MARCHF1: variants seen among roughly 807,000 people sequenced by gnomAD.
MARCHF1 encodes membrane associated ring-CH-type finger 1, also known as E3 ubiquitin-protein ligase MARCHF1.
Under a neutral mutation model 54.2 loss-of-function variants are expected in MARCHF1, and 40 were observed. The observed-to-expected ratio is 0.74, with a 90% CI of 0.57 to 0.96. The LOEUF (loss-of-function observed/expected upper bound fraction) is 0.96. Among genes scored for constraint, MARCHF1 ranks in the 40% least tolerant of loss-of-function variants. The pLI, the probability that MARCHF1 is intolerant of heterozygous loss-of-function variation, is 0.00. For missense variants in MARCHF1, 586 were observed against 656.5 expected (o/e 0.89, Z 1.17); for synonymous variants, 236 against 236.3 (o/e 1.00, Z 0.01).
At chr4:164,179,854 G>A (rs1730786984) in intron 1 of MARCHF1, among the ~76,000 whole-genome samples, 1 of 151,110 alleles carries the variant, frequency 6.6e-6, no homozygotes, top group African/African-American at 2.4e-5. Flanking sequence ...GAAAAATACT[G>A]AGAAGAAAAT....
Position 163,612,387 on chromosome 4 carries a change from T to C in MARCHF1, c.894A>G (p.Ile298Met), listed in dbSNP as rs1216157996. ...TFSETDSSTE[I>M]LGVPEGSKDM... is the part of the protein sequence containing the mutation. ...CCTTGCTGCCTTCTGGAACTCCCAG[T>C]ATTTCAGTGCTGGAATCTGTTTCTG... is the stretch of plus-strand genomic sequence containing the variant. The change falls in exon 7 of 10, where the codon ATA becomes ATG. Residue 298 changes from isoleucine (I) to methionine (M), a missense_variant. This residue lies in a region of MARCHF1 where 387 missense variants were observed against 394.6 expected (regional missense o/e 0.98). Coordinates refer to ENST00000514618, the MANE Select transcript of MARCHF1 (RefSeq NM_001394959.1). 1.3e-6 allele frequency: 2 copies of C among 1,535,332 alleles called. No individual in the cohort carries two copies. Among genetic ancestry groups the C allele is most frequent in the Non-Finnish European group, 1.7e-6 (2 of 1,146,464 alleles).
chr4:164,254,337 T>C (rs533407673), intron 1 of MARCHF1, among the ~76,000 whole-genome samples: 23 of 149,916 alleles, frequency 1.5e-4, no homozygotes, highest in Non-Finnish European at 3.0e-4. Flanking sequence ...ATCCTATATA[T>C]AGAGGATATT....
chr4:163,554,913 A>G (rs1426184583), intron 8 of MARCHF1, among the ~76,000 whole-genome samples: 1 of 152,204 alleles, frequency 6.6e-6, no homozygotes, highest in African/African-American at 2.4e-5. Flanking sequence ...ATGTTAGATT[A>G]CCAAAATAAT....
At chr4:164,253,737 A>G (rs535260187) in intron 1 of MARCHF1, among the ~76,000 whole-genome samples, 3 of 152,178 alleles carry the variant, frequency 2.0e-5, no homozygotes, top group Non-Finnish European at 4.4e-5. Flanking sequence ...AATGTTTATA[A>G]CTGCTTTATT....
chr4:163,529,428 T>C (rs1463725849), intron 9 of MARCHF1, among the ~76,000 whole-genome samples: 1 of 152,026 alleles, frequency 6.6e-6, no homozygotes, highest in Non-Finnish European at 1.5e-5. Flanking sequence ...AATCAGAGTT[T>C]AAAATCCTTC....
At chr4:164,377,202 G>A (rs551542594) in intron 1 of MARCHF1, among the ~76,000 whole-genome samples, 54 of 151,946 alleles carry the variant, frequency 3.6e-4, no homozygotes, top group Non-Finnish European at 6.3e-4. Flanking sequence ...TCACCAGGCA[G>A]ACTTAACAAA....
At chr4:163,705,163 AG>A (rs1304181586) in intron 4 of MARCHF1, among the ~76,000 whole-genome samples, 1 of 151,774 alleles carries the variant, frequency 6.6e-6, no homozygotes, top group East Asian at 1.9e-4. Flanking sequence ...AAAATGGATA[AG>A]GGCATGCTGA....
chr4:163,636,518 C>G (rs1429234099), intron 5 of MARCHF1, among the ~76,000 whole-genome samples: 3 of 148,416 alleles, frequency 2.0e-5, no homozygotes, highest in Admixed American at 6.7e-5. Context: ...GAATAAAATA[C>G]CTAGGAATCC....
At chr4:164,288,550 GAAAGCAAAACT>G (rs1734207170) in intron 1 of MARCHF1, among the ~76,000 whole-genome samples, 1 of 151,900 alleles carries the variant, frequency 6.6e-6, no homozygotes, top group African/African-American at 2.4e-5. Flanking sequence ...TAATAGGTAT[GAAAGCAAAACT>G]AAAGAAAAAC....
intron 3 of MARCHF1, among the ~76,000 whole-genome samples, chr4:163,923,783 A>C (rs12501701): frequency 0.77 from 115,059 of 149,128 alleles, 44,464 homozygotes; most frequent in East Asian, 0.93. Flanking sequence ...AAAAAAAAAT[A>C]GAAAAAAGTA....
At chr4:164,168,748 C>T (rs751349711) in intron 1 of MARCHF1, among the ~76,000 whole-genome samples, 1 of 151,948 alleles carries the variant, frequency 6.6e-6, no homozygotes, top group African/African-American at 2.4e-5. Context: ...GGGGTGCCAA[C>T]CTTATCCACA....
At chr4:164,147,843 A>AAT (rs1729804060) in intron 1 of MARCHF1, among the ~76,000 whole-genome samples, 1 of 144,276 alleles carries the variant, frequency 6.9e-6, no homozygotes, top group Admixed American at 7.0e-5. Flanking sequence ...GTCAATAAAA[A>AAT]AAATAAATTC....
At chr4:164,341,279 CAAAA>C in intron 1 of MARCHF1, among the ~76,000 whole-genome samples, 1 of 146,458 alleles carries the variant, frequency 6.8e-6, no homozygotes, top group South Asian at 2.2e-4. Flanking sequence ...AAAGCAAAAA[CAAAA>C]AAAAAAACCC....
At chr4:164,106,593 A>T (rs920441364) in intron 2 of MARCHF1, among the ~76,000 whole-genome samples, 1 of 145,044 alleles carries the variant, frequency 6.9e-6, no homozygotes, top group South Asian at 2.2e-4. Context: ...AGGAAGGGGA[A>T]TATCACACTC....
intron 4 of MARCHF1, among the ~76,000 whole-genome samples, chr4:163,832,058 C>A (rs1382781913): frequency 6.6e-6 from 1 of 152,088 alleles, no homozygotes; most frequent in African/African-American, 2.4e-5. Context: ...AGTAGATAAA[C>A]AAATTAGGAA....
chr4:163,910,332 A>G (rs936125146), intron 3 of MARCHF1, among the ~76,000 whole-genome samples: 1 of 152,178 alleles, frequency 6.6e-6, no homozygotes, highest in Non-Finnish European at 1.5e-5. Flanking sequence ...CAGTAAAACT[A>G]TTTGCCAACA....
At chr4:163,732,170 A>G (rs1234586532) in intron 4 of MARCHF1, among the ~76,000 whole-genome samples, 1 of 151,308 alleles carries the variant, frequency 6.6e-6, no homozygotes, top group Admixed American at 6.6e-5. Context: ...TAATCATATA[A>G]TTATATTATT....
At chr4:163,959,116 T>C (rs1202265996) in intron 3 of MARCHF1, among the ~76,000 whole-genome samples, 2 of 151,912 alleles carry the variant, frequency 1.3e-5, no homozygotes, top group Non-Finnish European at 2.9e-5. Flanking sequence ...CAGTACCACA[T>C]GGAGCAGAGA....
chr4:164,041,325 C>T (rs1275772792), intron 2 of MARCHF1, among the ~76,000 whole-genome samples: 4 of 152,168 alleles, frequency 2.6e-5, no homozygotes, highest in Non-Finnish European at 4.4e-5. Flanking sequence ...CTTTCAACCA[C>T]CATAGCATTA....
Sources: allele counts gnomAD v4.1 joint callset (sites outside exome capture counted in the v4.1 genomes callset), GRCh38; gene constraint gnomAD v4.1.1; regional missense constraint gnomAD v4.1.1; transcripts MANE v1.5; gene names NCBI Gene and HGNC (gene_info 2026-07-23, HGNC 2026-07-21).